DGKI: variants seen among roughly 807,000 people sequenced by gnomAD.
DGKI encodes DAG kinase iota.
Under a neutral mutation model 147.5 loss-of-function variants are expected in DGKI, and 55 were observed. The observed-to-expected ratio is 0.37, with a 90% CI of 0.30 to 0.47. The LOEUF (loss-of-function observed/expected upper bound fraction) is 0.47. Ranked by LOEUF, DGKI falls within the 20% of genes least tolerant of loss-of-function variation. The pLI is 1.00. For synonymous variants in DGKI, 469 were observed against 477.1 expected, an observed-to-expected ratio of 0.98 and a Z score of 0.22; for missense variants, 1,007 against 1,323.8, an observed-to-expected ratio of 0.76 and a Z score of 3.71.
At chr7:137,723,490 G>A (rs375641900) in intron 1 of DGKI, among the ~76,000 whole-genome samples, 95 of 152,146 alleles carry the variant, frequency 6.2e-4, no homozygotes, top group South Asian at 1.0e-3. Context: ...TAATAGTTAC[G>A]CCTCATGTGC....
chr7:137,546,227 G>A (rs946493964), intron 20 of DGKI, among the ~76,000 whole-genome samples: 10 of 152,170 alleles, frequency 6.6e-5, no homozygotes, highest in Admixed American at 6.5e-5. Context: ...GGGCCAGGCT[G>A]GGATCGATGC....
intron 10 of DGKI, among the ~76,000 whole-genome samples, chr7:137,604,650 A>C (rs1441443903): frequency 6.6e-6 from 1 of 152,190 alleles, no homozygotes; most frequent in Non-Finnish European, 1.5e-5. Context: ...AACAGTGTGC[A>C]AAGCCAGGGT....
At chr7:137,677,624 C>T (rs1462108300) in intron 3 of DGKI, among the ~76,000 whole-genome samples, 1 of 152,152 alleles carries the variant, frequency 6.6e-6, no homozygotes, top group African/African-American at 2.4e-5. Context: ...GATGGAAACT[C>T]GATTTATTCC....
intron 28 of DGKI, among the ~76,000 whole-genome samples, chr7:137,414,943 A>C (rs747484346): frequency 8.5e-5 from 13 of 152,358 alleles, no homozygotes; most frequent in Middle Eastern, 3.4e-3. Context: ...AAAGTGTTTT[A>C]TAAATAGGTA....
At chr7:137,601,037 C>T (rs758731610) in intron 10 of DGKI, among the ~76,000 whole-genome samples, 1 of 151,074 alleles carries the variant, frequency 6.6e-6, no homozygotes, top group Non-Finnish European at 1.5e-5. Flanking sequence ...CTTGGGAGGC[C>T]GAGGCGGGCA....
chr7:137,562,140 T>A (rs187820064), intron 19 of DGKI, among the ~76,000 whole-genome samples: 1 of 152,352 alleles, frequency 6.6e-6, no homozygotes, highest in African/African-American at 2.4e-5. Flanking sequence ...TCTATTTGTC[T>A]TTCATCTCTT....
At chr7:137,745,959 C>T (rs6947142) in intron 1 of DGKI, among the ~76,000 whole-genome samples, 3 of 151,648 alleles carry the variant, frequency 2.0e-5, no homozygotes, top group African/African-American at 4.8e-5. Context: ...TTAAATTTGT[C>T]GGTGGAAGAG....
intron 1 of DGKI, among the ~76,000 whole-genome samples, chr7:137,736,112 T>C (rs1011382819): frequency 1.3e-5 from 2 of 152,088 alleles, no homozygotes; most frequent in Non-Finnish European, 2.9e-5. Context: ...CTCTTTCCTA[T>C]CCTTCCCTGC....
chr7:137,461,333 T>C lies in DGKI; in HGVS notation c.2735+2156A>G, dbSNP rs145946078. ...TTAAGCAACAGCTAAATTTAAAAAT[T>C]GTTGAATGAAGATCATTTAATTATG... On this transcript the variant is annotated intron_variant, in intron 27 of 32. Coordinates refer to ENST00000614521, the MANE Select transcript of DGKI (RefSeq NM_001321708.2). 3.3e-4 allele frequency among the ~76,000 whole-genome samples: 51 copies of C among 152,326 alleles called. 1 individual carries two copies. The highest frequency in any genetic ancestry group is 1.2e-3 in the African/African-American group (51 of 41,560).
In DGKI at chr7:137,462,061, A is replaced by T. The variant is rs112762627; in HGVS notation, c.2735+1428T>A. Among the ~76,000 whole-genome samples, 114 of 152,074 alleles carry T rather than the reference A, an allele frequency of 7.5e-4. 1 individual carries two copies. Among genetic ancestry groups the T allele is most frequent in the African/African-American group, 2.0e-3 (81 of 41,426 alleles). On this transcript the variant is annotated intron_variant, in intron 27 of 32. Transcript: ENST00000614521. ...ATATAGAAAAATCAGGACCTAGAAA[A>T]CTAGATTGAGCTCATATTCTGCTTT... is the stretch of plus-strand genomic sequence containing the variant.
At chr7:137,411,825 G>A (rs1180954820) in intron 29 of DGKI, among the ~76,000 whole-genome samples, 1 of 152,200 alleles carries the variant, frequency 6.6e-6, no homozygotes, top group Non-Finnish European at 1.5e-5. Context: ...CCTGAAGGAT[G>A]CATTTCTGAG....
intron 6 of DGKI, among the ~76,000 whole-genome samples, chr7:137,630,367 C>A (rs565642602): frequency 6.6e-4 from 101 of 152,274 alleles, no homozygotes; most frequent in African/African-American, 2.4e-3. Flanking sequence ...CAATCACCCC[C>A]ATCATCCTGA....
chr7:137,598,888 G>A (rs916610704), intron 11 of DGKI, among the ~76,000 whole-genome samples: 3 of 151,970 alleles, frequency 2.0e-5, no homozygotes, highest in African/African-American at 7.2e-5. Flanking sequence ...TGTATTATGG[G>A]ACAGAGAGAG....
chr7:137,846,161 T>TCACACA lies in DGKI; in HGVS notation c.401+295_401+300dup, dbSNP rs58484819. On this transcript the variant is annotated intron_variant, in intron 1 of 32. Transcript: ENST00000614521. This position sits in a 1 kb window ranked among gnomAD's most constrained non-coding sequence, Gnocchi z 4.0. ...CTCTCTCTCTCTCTCTCTCTCTCTC[T>TCACACA]CACACACACACACACACACACACAC... is the stretch of plus-strand genomic sequence containing the variant. 1.4e-3 allele frequency among the ~76,000 whole-genome samples: 152 copies of TCACACA among 108,220 alleles called. 2 individuals are homozygous for TCACACA. The highest frequency in any genetic ancestry group is 9.8e-3 in the South Asian group (30 of 3,066). The allele number at this position is 108,220 out of a possible 152,430, so 71.0% of individuals were successfully genotyped here.
intron 5 of DGKI, 112 bp downstream of exon 5, chr7:137,654,620 T>C (rs1282549559): frequency 1.2e-6 from 1 of 803,398 alleles, no homozygotes; most frequent in Non-Finnish European, 2.1e-6. Context: ...AAAATTGGCA[T>C]GCAACAGAAA....
rs2128889699 is a variant in DGKI at position 137,383,678 on chromosome 7, T to C, written c.*7542A>G. The C allele has an allele frequency of 6.6e-6, 1 of 152,136 alleles. No homozygotes were observed. Among genetic ancestry groups the C allele is most frequent in the South Asian group, 2.1e-4 (1 of 4,818 alleles). The allele number at this position is 152,136 out of a possible 1,614,324, so 9.4% of individuals were successfully genotyped here. A position where few individuals can be genotyped will look rare whatever the true frequency, so the allele number is the denominator to read the frequency against. ...AGAAAGCCCAAACTGTTTTTCTGGA[T>C]GCAATGTTTAGGAAAAATAAATCCT... On this transcript the variant is annotated 3_prime_UTR_variant, in exon 33 of 33. Transcript: ENST00000614521.
At chr7:137,403,968 A>C (rs1811852224) in intron 30 of DGKI, among the ~76,000 whole-genome samples, 1 of 152,194 alleles carries the variant, frequency 6.6e-6, no homozygotes, top group Admixed American at 6.5e-5. Flanking sequence ...AGACTTACTG[A>C]GGCCTCTTGG....
At chr7:137,515,184 A>T (rs2128949353) in intron 21 of DGKI, among the ~76,000 whole-genome samples, 1 of 152,254 alleles carries the variant, frequency 6.6e-6, no homozygotes, top group South Asian at 2.1e-4. Flanking sequence ...TCTCTCTTTA[A>T]ATGTCACTTC....
At position 137,656,464 on chromosome 7, in the gene DGKI, A is replaced by G; in HGVS notation, c.681+2T>C. ...AAACTGCAGCAGGGGGCGCGCTCTT[A>G]CCTTTTCTAGCTGCTCAATGCAGGC... On this transcript the variant is annotated splice_donor_variant, in intron 4 of 32. Coordinates refer to ENST00000614521, the MANE Select transcript of DGKI (RefSeq NM_001321708.2). LOFTEE classifies it high-confidence loss of function. 6.2e-7 allele frequency: 1 copy of G among 1,614,064 alleles called. No homozygotes were observed.
Sources: gnomAD v4.1 joint callset for allele counts (sites outside exome capture counted in the v4.1 genomes callset) on GRCh38, gnomAD v4.1.1 for gene constraint, Gnocchi (gnomAD v3.1) non-coding constraint, MANE v1.5 for transcripts, NCBI Gene and HGNC (gene_info 2026-07-23, HGNC 2026-07-21) for gene names.